AFF2: variants seen among roughly 807,000 people sequenced by gnomAD.
AFF2 encodes the protein AF4/FMR2 family member 2.
Under a neutral mutation model 76.9 loss-of-function variants are expected in AFF2, and 14 were observed. That is an observed-to-expected ratio of 0.18 (90% CI 0.12 to 0.28). The LOEUF is 0.28. Among genes scored for constraint, AFF2 ranks in the 10% least tolerant of loss-of-function variants. AFF2 has a pLI of 1.00. For synonymous variants in AFF2, 398 were observed against 366.7 expected, an observed-to-expected ratio of 1.09 and a Z score of -0.98; for missense variants, 868 against 1,001.1, an observed-to-expected ratio of 0.87 and a Z score of 1.79.
At position 148,629,918 on chromosome X, in the gene AFF2, C is replaced by T. The variant is rs988102790; in HGVS notation, c.48-22081C>T. On this transcript the variant is annotated intron_variant, in intron 1 of 20. Coordinates refer to ENST00000370460, the MANE Select transcript of AFF2 (RefSeq NM_002025.4). ...CCCCAGGAAGTCTGCTTTATCTTCC[C>T]CAAGCTGTGCTTCAGAGATTGAAAG... Among the ~76,000 whole-genome samples, 5 of 111,625 alleles carry T rather than the reference C, an allele frequency of 4.5e-5. No individual in the cohort carries two copies. The Admixed American group carries it at 4.8e-4, about 11-fold the overall frequency.
intron 3 of AFF2, among the ~76,000 whole-genome samples, chrX:148,780,898 TCA>T (rs1156647235): frequency 1.8e-5 from 2 of 112,295 alleles, no homozygotes; most frequent in Non-Finnish European, 3.8e-5. Flanking sequence ...TTATCTACCT[TCA>T]GTCTTTGCTG....
At chrX:148,963,178 C>T (rs1479074788) in intron 13 of AFF2, among the ~76,000 whole-genome samples, 2 of 111,889 alleles carry the variant, frequency 1.8e-5, no homozygotes, top group Non-Finnish European at 3.8e-5. Flanking sequence ...AATGATAATG[C>T]TTAAAAGAAT....
intron 8 of AFF2, among the ~76,000 whole-genome samples, chrX:148,894,290 C>G (rs1222965088): frequency 1.8e-5 from 2 of 111,711 alleles, no homozygotes; most frequent in Non-Finnish European, 3.8e-5. Context: ...CCCTCCCCCC[C>G]AGATATCTGC....
At chrX:148,878,514 C>T (rs2071060259) in intron 7 of AFF2, among the ~76,000 whole-genome samples, 2 of 111,698 alleles carry the variant, frequency 1.8e-5, no homozygotes, top group Admixed American at 9.5e-5. Context: ...AAATACCAAG[C>T]CTCGTATATG....
intron 3 of AFF2, among the ~76,000 whole-genome samples, chrX:148,733,301 T>A (rs1237608880): frequency 9.0e-6 from 1 of 111,541 alleles, no homozygotes; most frequent in Non-Finnish European, 1.9e-5. Flanking sequence ...AACACCCACA[T>A]CTCCAGTACT....
chrX:148,712,654 T>C (rs1224163415), intron 3 of AFF2, among the ~76,000 whole-genome samples: 1 of 112,191 alleles, frequency 8.9e-6, no homozygotes, highest in Non-Finnish European at 1.9e-5. Context: ...CAATATACAA[T>C]GAAATGTCAG....
chrX:148,822,347 G>A (rs781882124), intron 4 of AFF2: 1 of 111,434 alleles, frequency 9.0e-6, no homozygotes, highest in African/African-American at 3.3e-5. Flanking sequence ...ATAAGCAGTG[G>A]TAAGAGCGAG....
intron 10 of AFF2, among the ~76,000 whole-genome samples, chrX:148,954,726 A>G (rs991405815): frequency 4.5e-5 from 5 of 112,159 alleles, no homozygotes; most frequent in African/African-American, 1.6e-4. Context: ...TCTCAACCTG[A>G]AAGCTCCACT....
At chrX:148,726,759 G>A (rs1248702155) in intron 3 of AFF2, among the ~76,000 whole-genome samples, 2 of 111,744 alleles carry the variant, frequency 1.8e-5, no homozygotes, top group Non-Finnish European at 3.8e-5. Flanking sequence ...CTGGCCTGGG[G>A]TATTGATTTA....
At chrX:148,925,584 C>A (rs958030469) in intron 9 of AFF2, among the ~76,000 whole-genome samples, 4 of 112,102 alleles carry the variant, frequency 3.6e-5, no homozygotes, top group Non-Finnish European at 7.5e-5. Flanking sequence ...ACCTAGGTTA[C>A]AAGAGGCATA....
At chrX:148,732,194 A>C (rs1363161496) in intron 3 of AFF2, among the ~76,000 whole-genome samples, 1 of 84,605 alleles carries the variant, frequency 1.2e-5, no homozygotes, top group Non-Finnish European at 2.1e-5. Context: ...ACAATGATAG[A>C]CTGGATTAAG....
chrX:148,698,817 T>C (rs1463180886), intron 3 of AFF2, among the ~76,000 whole-genome samples: 3 of 72,493 alleles, frequency 4.1e-5, no homozygotes, highest in South Asian at 1.2e-3. Context: ...TTTTTTTTTT[T>C]CTGTATTTTA....
chrX:148,939,432 C>T (rs1373970867), intron 9 of AFF2, among the ~76,000 whole-genome samples: 2 of 111,664 alleles, frequency 1.8e-5, no homozygotes, highest in African/African-American at 6.5e-5. Context: ...TAACACTAAT[C>T]TTTGTGTATA....
At chrX:148,548,499 A>G (rs929729794) in intron 1 of AFF2, among the ~76,000 whole-genome samples, 55 of 111,629 alleles carry the variant, frequency 4.9e-4, no homozygotes, top group African/African-American at 1.8e-3. Context: ...CAGTGGTGCA[A>G]TCTTGGCTCA....
intron 1 of AFF2, among the ~76,000 whole-genome samples, chrX:148,525,767 C>G (rs1375031290): frequency 1.8e-5 from 2 of 112,085 alleles, no homozygotes; most frequent in Non-Finnish European, 3.8e-5. Context: ...GAAGAACATT[C>G]TAAACATCAT....
At chrX:148,850,706 T>A (rs1444750780) in intron 7 of AFF2, among the ~76,000 whole-genome samples, 2 of 112,661 alleles carry the variant, frequency 1.8e-5, no homozygotes, top group Non-Finnish European at 3.8e-5. Flanking sequence ...TTAACACACT[T>A]TCACACAATA....
chrX:148,938,393 C>T lies in AFF2; in HGVS notation c.1398-15187C>T, dbSNP rs782073260. Among the ~76,000 whole-genome samples, 18 of 112,258 alleles carry T rather than the reference C, an allele frequency of 1.6e-4. No homozygotes were observed. The South Asian group carries it at 3.0e-3, about 18-fold the overall frequency. On this transcript the variant is annotated intron_variant, in intron 9 of 20. Coordinates refer to ENST00000370460, the MANE Select transcript of AFF2 (RefSeq NM_002025.4). Reference sequence around the variant, plus strand: ...ATTTACAGTATTGTCTTGCGTGGCACATAACCATAATTGTATCAGACTTAT... The same window carrying T: ...ATTTACAGTATTGTCTTGCGTGGCATATAACCATAATTGTATCAGACTTAT...
At chrX:148,578,340 T>C (rs1352610063) in intron 1 of AFF2, among the ~76,000 whole-genome samples, 1 of 111,371 alleles carries the variant, frequency 9.0e-6, no homozygotes, top group Non-Finnish European at 1.9e-5. Flanking sequence ...TTCTGCCTCA[T>C]CATTTTTCTA....
intron 1 of AFF2, among the ~76,000 whole-genome samples, chrX:148,618,683 G>A (rs1490031568): frequency 9.0e-6 from 1 of 111,588 alleles, no homozygotes; most frequent in Non-Finnish European, 1.9e-5. Flanking sequence ...ATTGATACAA[G>A]GTGGATTTTT....
Sources: allele counts gnomAD v4.1 joint callset (sites outside exome capture counted in the v4.1 genomes callset), GRCh38; gene constraint gnomAD v4.1.1; transcripts MANE v1.5; gene names NCBI Gene and HGNC (gene_info 2026-07-23, HGNC 2026-07-21).